Variants in JAK2 observed in about 807,000 individuals in gnomAD.
The protein encoded by JAK2 is Janus kinase 2.
In JAK2, 86 loss-of-function variants were observed where a neutral mutation model predicts 139.3. That is an observed-to-expected ratio of 0.62 (90% CI 0.52 to 0.74). JAK2 has a LOEUF of 0.74. Among genes scored for constraint, JAK2 ranks in the 30% least tolerant of loss-of-function variants. The pLI, the probability that JAK2 is intolerant of heterozygous loss-of-function variation, is 0.00. For missense variants in JAK2, 1,421 were observed against 1,360.3 expected, an observed-to-expected ratio of 1.04 and a Z score of -0.70; for synonymous variants, 490 against 437.7, an observed-to-expected ratio of 1.12 and a Z score of -1.49.
chr9:5,024,486 G>T (rs1822648552), intron 3 of JAK2, among the ~76,000 whole-genome samples: 1 of 151,936 alleles, frequency 6.6e-6, no homozygotes, highest in South Asian at 2.1e-4. Flanking sequence ...CTTCCTGCTT[G>T]TGCTGACTCT....
chr9:5,088,426 C>A (rs575736468), intron 19 of JAK2, among the ~76,000 whole-genome samples: 6 of 152,086 alleles, frequency 3.9e-5, no homozygotes, highest in Admixed American at 3.3e-4. Flanking sequence ...ATCCAAAATA[C>A]ACTAATTTGA....
chr9:5,039,515 T>C (rs150033886), intron 4 of JAK2, among the ~76,000 whole-genome samples: 2 of 152,134 alleles, frequency 1.3e-5, no homozygotes, highest in Non-Finnish European at 2.9e-5. Flanking sequence ...TGGGAGGTTC[T>C]GGAACTAGTA....
chr9:5,028,304 T>C (rs1822913675), intron 3 of JAK2, among the ~76,000 whole-genome samples: 1 of 152,218 alleles, frequency 6.6e-6, no homozygotes, highest in Non-Finnish European at 1.5e-5. Flanking sequence ...ACAGGAATCT[T>C]TTTTTCTGAG....
At chr9:5,004,918 CT>C (rs557320182) in intron 2 of JAK2, among the ~76,000 whole-genome samples, 199 of 131,312 alleles carry the variant, frequency 1.5e-3, no homozygotes, top group Admixed American at 2.9e-3. Context: ...TACATATTGT[CT>C]TTTTTTTTTT....
At chr9:5,117,522 AATAAG>A (rs764408106) in intron 22 of JAK2, among the ~76,000 whole-genome samples, 3 of 152,202 alleles carry the variant, frequency 2.0e-5, no homozygotes, top group African/African-American at 7.2e-5. Context: ...TTCCAGAGGC[AATAAG>A]ATATGTTTTC....
At chr9:5,126,600 C>A (rs1824015970) in intron 24 of JAK2, 84 bp from the exon 25 acceptor site, 2 of 1,010,896 alleles carry the variant, frequency 2.0e-6, no homozygotes, top group Non-Finnish European at 1.5e-6. Context: ...TGACATGTGC[C>A]CTGTATTGAA....
chr9:5,066,520 CT>C (rs1818581962), intron 9 of JAK2, among the ~76,000 whole-genome samples, 157 bp from the exon 10 acceptor site: 1 of 151,964 alleles, frequency 6.6e-6, no homozygotes, highest in African/African-American at 2.4e-5. Context: ...TAGCTTGGTA[CT>C]TTGATTTTTT....
chr9:5,032,977 C>A (rs2130187040), intron 4 of JAK2, among the ~76,000 whole-genome samples: 1 of 152,084 alleles, frequency 6.6e-6, no homozygotes, highest in Non-Finnish European at 1.5e-5. Context: ...GAACTCATGG[C>A]AAAGAAGTTA....
chr9:5,046,104 T>G (rs1313995585), intron 5 of JAK2, among the ~76,000 whole-genome samples: 1 of 152,194 alleles, frequency 6.6e-6, no homozygotes, highest in East Asian at 1.9e-4. Flanking sequence ...ATTGTGATTT[T>G]GATGCATACT....
intron 22 of JAK2, among the ~76,000 whole-genome samples, chr9:5,092,401 GACAA>G (rs1293205200): frequency 2.6e-5 from 4 of 152,060 alleles, no homozygotes; most frequent in African/African-American, 4.8e-5. Context: ...AGTGCTCTTG[GACAA>G]ACAAAGTGTC....
intron 9 of JAK2, 106 bp downstream of exon 9, chr9:5,065,146 CAA>C (rs1295584701): frequency 2.9e-6 from 2 of 681,852 alleles, no homozygotes; most frequent in Non-Finnish European, 4.3e-6. Context: ...AATAATTTGA[CAA>C]GTTTTTTTTA....
intron 22 of JAK2, chr9:5,112,759 G>T: frequency 3.1e-6 from 2 of 638,402 alleles, no homozygotes. Flanking sequence ...GAGAAGAGAA[G>T]GTGTCGCGCG....
intron 5 of JAK2, 66 bp downstream of exon 5, chr9:5,044,586 C>G (rs1332332826): frequency 2.0e-6 from 2 of 1,012,094 alleles, no homozygotes; most frequent in Non-Finnish European, 2.9e-6. Context: ...TAATAAGTCA[C>G]TTAATCAGGA....
At chr9:5,093,133 A>T (rs548411370) in intron 22 of JAK2, among the ~76,000 whole-genome samples, 1 of 152,200 alleles carries the variant, frequency 6.6e-6, no homozygotes, top group Non-Finnish European at 1.5e-5. Context: ...ATAAGCTTAC[A>T]TAAGACTGGA....
chr9:5,004,191 A>G (rs1821115140), intron 2 of JAK2, among the ~76,000 whole-genome samples: 1 of 152,172 alleles, frequency 6.6e-6, no homozygotes, highest in Admixed American at 6.5e-5. Flanking sequence ...ATATATTGTT[A>G]TTGGTAATCA....
At chr9:5,025,901 G>A (rs1822753963) in intron 3 of JAK2, among the ~76,000 whole-genome samples, 1 of 152,122 alleles carries the variant, frequency 6.6e-6, no homozygotes, top group African/African-American at 2.4e-5. Context: ...CACAAAAATT[G>A]TCCATCTGTC....
At chr9:4,989,437 A>G (rs2129698660) in intron 2 of JAK2, among the ~76,000 whole-genome samples, 1 of 152,264 alleles carries the variant, frequency 6.6e-6, no homozygotes, top group South Asian at 2.1e-4. Flanking sequence ...TTTGAGGAGC[A>G]GTACCTTAGA....
intron 12 of JAK2, among the ~76,000 whole-genome samples, chr9:5,071,806 A>T (rs1209099334): frequency 1.3e-5 from 2 of 152,214 alleles, no homozygotes; most frequent in African/African-American, 4.8e-5. Flanking sequence ...TAACATTACA[A>T]ATCTAATAAA....
rs1280918803 is a variant in JAK2, at chr9:5,096,330, G to T, written c.3059+5419G>T. Among the ~76,000 whole-genome samples the T allele has an allele frequency of 2.0e-5, 3 of 152,124 alleles. No homozygotes were observed. The East Asian group carries it at 5.8e-4, about 29-fold the overall frequency. On this transcript the variant is annotated intron_variant, in intron 22 of 24. Coordinates refer to ENST00000381652, the MANE Select transcript of JAK2 (RefSeq NM_004972.4). The stretch of plus-strand genomic sequence containing the variant: ...AGTAAATGAATTATACTTAATTTCT[G>T]TAACAAACCCAAGGACTGCAAAACT...
Sources: allele counts gnomAD v4.1 joint callset (sites outside exome capture counted in the v4.1 genomes callset), GRCh38; gene constraint gnomAD v4.1.1; transcripts MANE v1.5; gene names NCBI Gene and HGNC (gene_info 2026-07-23, HGNC 2026-07-21).